Variants in SLC37A3 observed in about 807,000 individuals in gnomAD.
SLC37A3 encodes sugar phosphate exchanger 3.
In SLC37A3, 51 loss-of-function variants were observed where a neutral mutation model predicts 67.1. The ratio of observed to expected loss-of-function variants is 0.76; its 90% CI spans 0.61 to 0.96. SLC37A3 has a LOEUF of 0.96. Among genes scored for constraint, SLC37A3 ranks in the 40% least tolerant of loss-of-function variants. The probability of loss-of-function intolerance (pLI) is 0.00; values close to 1 mark genes in which losing one functional copy is unlikely to be tolerated. For synonymous variants in SLC37A3, 214 were observed against 231.4 expected, an observed-to-expected ratio of 0.92 and a Z score of 0.68; for missense variants, 508 against 603.0, an observed-to-expected ratio of 0.84 and a Z score of 1.65.
At chr7:140,398,141 C>A (rs1799012639) in intron 1 of SLC37A3, among the ~76,000 whole-genome samples, 1 of 152,170 alleles carries the variant, frequency 6.6e-6, no homozygotes, top group South Asian at 2.1e-4. Context: ...GCACAAAAGC[C>A]TCTGCCGCAT....
At chr7:140,390,010 G>T (rs1798662737) in intron 1 of SLC37A3, among the ~76,000 whole-genome samples, 1 of 152,088 alleles carries the variant, frequency 6.6e-6, no homozygotes, top group South Asian at 2.1e-4. Flanking sequence ...GATCACTTGA[G>T]GCCAGGCCTT....
At chr7:140,374,508 A>G (rs6976631) in intron 3 of SLC37A3, among the ~76,000 whole-genome samples, 26,727 of 150,854 alleles carry the variant, frequency 0.18, 3,419 homozygotes, top group African/African-American at 0.36. Flanking sequence ...AAAAAAAAAA[A>G]AAAAATGAAT....
intron 7 of SLC37A3, among the ~76,000 whole-genome samples, chr7:140,355,215 T>A (rs79444935): frequency 1.3e-4 from 19 of 146,616 alleles, no homozygotes; most frequent in South Asian, 4.8e-4. Context: ...TTTTTTTTTT[T>A]AATTAATTTA....
chr7:140,382,046 T>TA (rs999324260), intron 2 of SLC37A3, among the ~76,000 whole-genome samples: 33 of 144,514 alleles, frequency 2.3e-4, no homozygotes, highest in East Asian at 4.0e-4. Context: ...ATATGTTTTT[T>TA]AAAAAAAAAA....
intron 1 of SLC37A3, among the ~76,000 whole-genome samples, chr7:140,384,475 GCC>G (rs1798371584): frequency 6.6e-6 from 1 of 152,076 alleles, no homozygotes; most frequent in Non-Finnish European, 1.5e-5. Flanking sequence ...ACTTTGGTAG[GCC>G]AAGGTGGGAG....
intron 13 of SLC37A3, among the ~76,000 whole-genome samples, chr7:140,343,085 C>T (rs768011343): frequency 4.6e-5 from 7 of 152,146 alleles, no homozygotes; most frequent in Non-Finnish European, 8.8e-5. Flanking sequence ...AAGCACCCCC[C>T]ACCACGGAAT....
chr7:140,356,870 G>T (rs528651356), intron 6 of SLC37A3, among the ~76,000 whole-genome samples: 10 of 152,282 alleles, frequency 6.6e-5, no homozygotes, highest in African/African-American at 2.2e-4. Context: ...CTCTGCTGAT[G>T]GGAATGTAAA....
intron 6 of SLC37A3, 49 bp from the exon 7 acceptor site, chr7:140,355,813 C>T (rs1272837826): frequency 1.3e-6 from 2 of 1,513,476 alleles, no homozygotes; most frequent in African/African-American, 2.8e-5. Context: ...AGAAGAGATA[C>T]TCTGGGCAGT....
In SLC37A3 at chr7:140,339,222, C is replaced by T. The variant is rs73472745; in HGVS notation, c.1327-1873G>A. Among the ~76,000 whole-genome samples, 1,238 of 151,088 alleles carry T rather than the reference C, an allele frequency of 8.2e-3. 20 individuals carry two copies. Among genetic ancestry groups the T allele is most frequent in the African/African-American group, 0.028 (1,160 of 41,104 alleles). On this transcript the variant is annotated intron_variant, in intron 13 of 14. Coordinates refer to ENST00000326232, the MANE Select transcript of SLC37A3 (RefSeq NM_207113.3). ...CACCTTTTGGCTACTATGAATAATA[C>T]TGCAATAAATGTTGACATACAAATA...
intron 1 of SLC37A3, among the ~76,000 whole-genome samples, chr7:140,395,671 G>A (rs559868641): frequency 1.3e-5 from 2 of 152,146 alleles, no homozygotes; most frequent in South Asian, 2.1e-4. Context: ...TCCCCCTACT[G>A]CTCTCCAACC....
intron 4 of SLC37A3, among the ~76,000 whole-genome samples, chr7:140,367,799 C>G (rs1797661790): frequency 6.6e-6 from 1 of 150,554 alleles, no homozygotes; most frequent in Non-Finnish European, 1.5e-5. Context: ...CAGGGTGCTA[C>G]CTCTCCAGGA....
At position 140,363,175 on chromosome 7, in the gene SLC37A3, G is replaced by C. The variant is rs1166522269; in HGVS notation, c.375+1233C>G. On this transcript the variant is annotated intron_variant, in intron 5 of 14. Coordinates refer to ENST00000326232, the MANE Select transcript of SLC37A3 (RefSeq NM_207113.3). Reference sequence around the variant, plus strand: ...GTGAGGAGCCCCTCTGCCCGGCCACGACCCCGTCTGGGAGGTGTGCCCAGC... The same window carrying C: ...GTGAGGAGCCCCTCTGCCCGGCCACCACCCCGTCTGGGAGGTGTGCCCAGC... 8.2e-5 allele frequency among the ~76,000 whole-genome samples: 7 copies of C among 85,598 alleles called. 1 individual carries two copies. The highest frequency in any genetic ancestry group is 1.3e-4 in the African/African-American group (3 of 23,136). 56.2% of individuals were successfully genotyped at this position (85,598 alleles called of 152,430 possible).
At chr7:140,370,958 T>C (rs1797793371) in intron 3 of SLC37A3, among the ~76,000 whole-genome samples, 1 of 152,104 alleles carries the variant, frequency 6.6e-6, no homozygotes, top group African/African-American at 2.4e-5. Flanking sequence ...TGGAGTAAAC[T>C]GAAGAAGCTG....
At chr7:140,367,512 A>G (rs1797650024) in intron 4 of SLC37A3, among the ~76,000 whole-genome samples, 1 of 152,206 alleles carries the variant, frequency 6.6e-6, no homozygotes. Context: ...ACTACTTCAG[A>G]ACTTTTACCC....
chr7:140,396,812 T>C (rs771063793), intron 1 of SLC37A3, among the ~76,000 whole-genome samples: 7 of 151,644 alleles, frequency 4.6e-5, no homozygotes, highest in Non-Finnish European at 8.8e-5. Context: ...ATGGTGTCAT[T>C]CAAGAGACAA....
chr7:140,370,743 A>G (rs1381533078), intron 3 of SLC37A3, among the ~76,000 whole-genome samples: 1 of 152,208 alleles, frequency 6.6e-6, no homozygotes, highest in Non-Finnish European at 1.5e-5. Flanking sequence ...CTTAATTTTT[A>G]AAATGATAAA....
chr7:140,354,271 C>T (rs987307577), intron 7 of SLC37A3, among the ~76,000 whole-genome samples: 3 of 152,180 alleles, frequency 2.0e-5, no homozygotes, highest in African/African-American at 4.8e-5. Flanking sequence ...ACTCAGTGTG[C>T]GTAGTTGTAA....
At position 140,335,150 on chromosome 7, in the gene SLC37A3, G is replaced by GGTCAAAGATGCTGGCAGAGTCAGAA; in HGVS notation, c.*237_*261dup. 7.1e-7 allele frequency: 1 copy of GGTCAAAGATGCTGGCAGAGTCAGAA among 1,407,356 alleles called. No individual in the cohort carries two copies. Among genetic ancestry groups the GGTCAAAGATGCTGGCAGAGTCAGAA allele is most frequent in the Non-Finnish European group, 9.7e-7 (1 of 1,031,080 alleles). The allele number at this position is 1,407,356 out of a possible 1,614,324, so 87.2% of individuals were successfully genotyped here. ...AAACAAAGACGCGGGCAGAGTCAGA[G>GGTCAAAGATGCTGGCAGAGTCAGAA]GTCAAAGATGCTGGCAGAGTCAGAA... On this transcript the variant is annotated 3_prime_UTR_variant, in exon 15 of 15. Coordinates refer to ENST00000326232, the MANE Select transcript of SLC37A3 (RefSeq NM_207113.3).
chr7:140,362,434 C>T (rs1203043772), intron 5 of SLC37A3, among the ~76,000 whole-genome samples: 3 of 145,500 alleles, frequency 2.1e-5, no homozygotes, highest in African/African-American at 5.1e-5. Flanking sequence ...GGGGGGTCAG[C>T]CCCCCGCCCG....
Sources: gnomAD v4.1 joint callset for allele counts (sites outside exome capture counted in the v4.1 genomes callset) on GRCh38, gnomAD v4.1.1 for gene constraint, MANE v1.5 for transcripts, NCBI Gene and HGNC (gene_info 2026-07-23, HGNC 2026-07-21) for gene names.